Variants in CSMD1 observed in about 807,000 individuals in gnomAD.
CSMD1 encodes CUB and Sushi multiple domains 1.
CSMD1 carries 213 observed loss-of-function variants against 417.5 expected under a neutral mutation model. That is an observed-to-expected ratio of 0.51 (90% CI 0.46 to 0.57). CSMD1 has a LOEUF of 0.57. Among genes scored for constraint, CSMD1 ranks in the 20% least tolerant of loss-of-function variants. The pLI is 0.00. For missense variants in CSMD1, 6,923 were observed against 4,529.7 expected (o/e 1.53, Z -15.17); for synonymous variants, 2,862 against 1,736.8 (o/e 1.65, Z -16.11).
At chr8:3,547,203 T>C (rs983743024) in intron 10 of CSMD1, among the ~76,000 whole-genome samples, 3 of 152,238 alleles carry the variant, frequency 2.0e-5, no homozygotes, top group Non-Finnish European at 4.4e-5. Flanking sequence ...CAGGGCCACA[T>C]GGCTTTGACT....
At chr8:4,288,482 T>C (rs541352409) in intron 3 of CSMD1, among the ~76,000 whole-genome samples, 222 of 152,320 alleles carry the variant, frequency 1.5e-3, no homozygotes, top group African/African-American at 4.9e-3. Flanking sequence ...GATGAGGCTA[T>C]GGGTAATCCC....
chr8:4,432,518 A>G (rs1371698501), intron 2 of CSMD1, among the ~76,000 whole-genome samples: 1 of 152,198 alleles, frequency 6.6e-6, no homozygotes, highest in Non-Finnish European at 1.5e-5. Flanking sequence ...AAATGCTCGG[A>G]GTGTGAAAAC....
At chr8:3,357,006 G>GAA (rs1019808381) in intron 21 of CSMD1, among the ~76,000 whole-genome samples, 4 of 152,156 alleles carry the variant, frequency 2.6e-5, no homozygotes, top group Admixed American at 2.6e-4. Flanking sequence ...GGGAGCCAGG[G>GAA]AAAGCATCAG....
intron 28 of CSMD1, among the ~76,000 whole-genome samples, chr8:3,221,171 C>A (rs940477203): frequency 6.6e-6 from 1 of 152,094 alleles, no homozygotes; most frequent in Non-Finnish European, 1.5e-5. Flanking sequence ...AACGTGGTAC[C>A]GCCAGCATCG....
intron 6 of CSMD1, among the ~76,000 whole-genome samples, chr8:3,750,360 G>A (rs1455163744): frequency 6.7e-6 from 1 of 149,432 alleles, no homozygotes; most frequent in African/African-American, 2.4e-5. Flanking sequence ...ATATGATTCA[G>A]GTTAAATATA....
chr8:3,732,398 C>T (rs767791019), intron 6 of CSMD1, among the ~76,000 whole-genome samples: 1 of 152,086 alleles, frequency 6.6e-6, no homozygotes, highest in Non-Finnish European at 1.5e-5. Context: ...TCTAGCTGTA[C>T]CCTTCAATGA....
At chr8:3,286,850 G>C (rs1469634746) in intron 25 of CSMD1, among the ~76,000 whole-genome samples, 3 of 152,056 alleles carry the variant, frequency 2.0e-5, no homozygotes, top group Admixed American at 6.6e-5. Flanking sequence ...TGTCAATTTT[G>C]GCTTTTGTTG....
intron 2 of CSMD1, among the ~76,000 whole-genome samples, chr8:4,432,025 A>G (rs1797897144): frequency 6.6e-6 from 1 of 152,194 alleles, no homozygotes; most frequent in African/African-American, 2.4e-5. Flanking sequence ...AAAGGCCTGC[A>G]AAAATGTGTA....
At chr8:4,872,161 C>T (rs923975185) in intron 1 of CSMD1, among the ~76,000 whole-genome samples, 4 of 152,104 alleles carry the variant, frequency 2.6e-5, no homozygotes, top group Non-Finnish European at 5.9e-5. Flanking sequence ...CAAATGAATG[C>T]AAACTAAGGC....
intron 10 of CSMD1, among the ~76,000 whole-genome samples, chr8:3,496,698 T>G (rs1175748340): frequency 6.6e-6 from 1 of 152,050 alleles, no homozygotes; most frequent in Admixed American, 6.6e-5. Context: ...TGGTGGCGTG[T>G]GCCTATAGCC....
chr8:3,026,129 G>T (rs934937649), intron 51 of CSMD1, among the ~76,000 whole-genome samples: 5 of 152,102 alleles, frequency 3.3e-5, no homozygotes, highest in Non-Finnish European at 7.3e-5. Context: ...GCCTGGTGAG[G>T]GAAGCCCTTA....
intron 5 of CSMD1, among the ~76,000 whole-genome samples, chr8:3,933,564 G>A (rs183998568): frequency 6.6e-6 from 1 of 152,194 alleles, no homozygotes; most frequent in East Asian, 1.9e-4. Context: ...GGCAAAACAG[G>A]ATACATTGAG....
intron 41 of CSMD1, among the ~76,000 whole-genome samples, chr8:3,135,805 A>T (rs965112882): frequency 6.6e-6 from 1 of 152,214 alleles, no homozygotes; most frequent in African/African-American, 2.4e-5. Context: ...CCCACCAAGA[A>T]AGTGTTCCCA....
chr8:3,548,808 C>T (rs995999109), intron 10 of CSMD1, among the ~76,000 whole-genome samples: 18 of 152,024 alleles, frequency 1.2e-4, no homozygotes, highest in Non-Finnish European at 1.9e-4. Context: ...GGTTTCTAAG[C>T]CCTTTCAGAG....
intron 3 of CSMD1, among the ~76,000 whole-genome samples, chr8:4,049,920 C>CA (rs1798336020): frequency 6.6e-6 from 1 of 151,970 alleles, no homozygotes; most frequent in South Asian, 2.1e-4. Context: ...GGAATCCATT[C>CA]GGATACCACA....
chr8:4,525,175 T>C (rs1244054837), intron 2 of CSMD1, among the ~76,000 whole-genome samples: 1 of 152,168 alleles, frequency 6.6e-6, no homozygotes, highest in Non-Finnish European at 1.5e-5. Context: ...GGCTCCCACC[T>C]TCCCTCTATG....
intron 2 of CSMD1, among the ~76,000 whole-genome samples, chr8:4,594,774 A>G (rs1265698495): frequency 2.0e-5 from 3 of 152,110 alleles, no homozygotes; most frequent in African/African-American, 7.2e-5. Context: ...GCTCTAAGCT[A>G]TTTTAGGGCA....
At chr8:4,550,331 A>ACACACGCGCG (rs1554509895) in intron 2 of CSMD1, among the ~76,000 whole-genome samples, 26 of 76,300 alleles carry the variant, frequency 3.4e-4, no homozygotes, top group African/African-American at 1.5e-3. Context: ...ACACACACGC[A>ACACACGCGCG]CACACACACA....
intron 3 of CSMD1, among the ~76,000 whole-genome samples, chr8:4,253,913 T>A: frequency 1.1e-5 from 1 of 88,058 alleles, no homozygotes; most frequent in East Asian, 9.5e-4. Flanking sequence ...CCATCTTTTT[T>A]TTTTTTTTTT....
Sources: allele counts gnomAD v4.1 joint callset (sites outside exome capture counted in the v4.1 genomes callset), GRCh38; gene constraint gnomAD v4.1.1; transcripts MANE v1.5; gene names NCBI Gene and HGNC (gene_info 2026-07-23, HGNC 2026-07-21).